RBAK: variants seen among roughly 807,000 people sequenced by gnomAD.
RBAK encodes the protein RB-associated KRAB zinc finger protein.
RBAK carries 39 observed loss-of-function variants against 65.8 expected under a neutral mutation model. The observed-to-expected ratio is 0.59, with a 90% CI of 0.46 to 0.77. RBAK has a LOEUF of 0.77. Among genes scored for constraint, RBAK ranks in the 30% least tolerant of loss-of-function variants. The pLI is 0.00. For missense variants in RBAK, 884 were observed against 855.1 expected (o/e 1.03, Z -0.42); for synonymous variants, 343 against 289.7 (o/e 1.18, Z -1.87).
intron 4 of RBAK, 151 bp from the exon 5 acceptor site, chr7:5,063,544 A>G (rs1779132004): frequency 6.9e-6 from 4 of 578,150 alleles, no homozygotes; most frequent in Admixed American, 7.1e-5. Context: ...CCAAAGGAAA[A>G]AGAGAACTAT....
In RBAK at chr7:5,063,613, A is replaced by T. The variant is rs369934466; in HGVS notation, c.239-82A>T. On this transcript the variant is annotated intron_variant, in intron 4 of 4. Coordinates refer to ENST00000396912, the MANE Select transcript of RBAK (RefSeq NM_021163.4). ...CTCTAAAGCCAGAGTCAACCCCACA[A>T]TGGGGGCTCTTGAATACCAGTACCT... 4.4e-6 allele frequency: 5 copies of T among 1,131,878 alleles called. No homozygotes were observed. The Admixed American group carries it at 9.3e-5, about 21-fold the overall frequency. 70.1% of individuals were successfully genotyped at this position (1,131,878 alleles called of 1,614,324 possible).
Position 5,065,440 on chromosome 7 carries a change from C to T in RBAK, c.1984C>T (p.Gln662Ter), listed in dbSNP as rs1420105218. The T allele has an allele frequency of 1.2e-6, 2 of 1,613,902 alleles. No individual in the cohort carries two copies. Among genetic ancestry groups the T allele is most frequent in the Admixed American group, 3.3e-5 (2 of 60,006 alleles). ...ECNECGKVFS[Q>*]KSYLTVHYRT... ...TAATGAATGTGGGAAAGTCTTTTCTCAGAAGTCATACCTCACTGTACACTA... is the reference window on the plus strand; with the variant it reads ...TAATGAATGTGGGAAAGTCTTTTCTTAGAAGTCATACCTCACTGTACACTA... The change falls in exon 5 of 5, where the codon CAG becomes TAG. Residue 662 changes from glutamine (Q) to a stop codon, truncating the protein, a stop_gained. Coordinates refer to ENST00000396912, the MANE Select transcript of RBAK (RefSeq NM_021163.4). LOFTEE classifies it high-confidence loss of function. This position sits in a 1 kb window ranked among gnomAD's most constrained non-coding sequence, Gnocchi z 5.3.
intron 4 of RBAK, among the ~76,000 whole-genome samples, chr7:5,062,393 CCAG>C (rs1779099645): frequency 6.6e-6 from 1 of 152,144 alleles, no homozygotes; most frequent in Admixed American, 6.5e-5. Flanking sequence ...AGCTGCAAAA[CCAG>C]CAAGTTTTTA....
Position 5,064,856 on chromosome 7 carries a change from A to G in RBAK, c.1400A>G (p.Asn467Ser), listed in dbSNP as rs143678050. The change falls in exon 5 of 5, where the codon AAT (asparagine) becomes AGT (serine). Residue 467 changes from asparagine (N) to serine (S), a missense_variant. Transcript: ENST00000396912. The surrounding 1 kb of genome is among the most constrained non-coding windows in gnomAD (Gnocchi z 6.3). ...TGTAATGAATGTGGCAAAACCTTCA[A>G]TTTAAATTCAGCCTTCATTAGACAT... Reference protein sequence around the residue: ...YECNECGKTFNLNSAFIRHRK... With the variant: ...YECNECGKTFSLNSAFIRHRK... The G allele has an allele frequency of 1.9e-6, 3 of 1,613,836 alleles. No homozygotes were observed. The highest frequency in any genetic ancestry group is 1.7e-5 in the Admixed American group (1 of 59,998).
Position 5,067,088 on chromosome 7 carries a change from AT to A in RBAK, c.*1488del, listed in dbSNP as rs1224525551. 1 of 152,224 alleles carries A rather than the reference AT, an allele frequency of 6.6e-6. No individual in the cohort carries two copies. Among genetic ancestry groups the A allele is most frequent in the Non-Finnish European group, 1.5e-5 (1 of 68,018 alleles). The allele number at this position is 152,224 out of a possible 1,614,324, so 9.4% of individuals were successfully genotyped here. ...AGAGACTTAAACTACAACAAACAAT[AT>A]GCTTAATGATGAAATAGTGAACATT... is the stretch of plus-strand genomic sequence containing the variant. On this transcript the variant is annotated 3_prime_UTR_variant, in exon 5 of 5. Transcript: ENST00000396912.
rs1787968455 is a variant in RBAK at position 5,046,029 on chromosome 7, A to T, written c.-412A>T. The T allele has an allele frequency of 3.6e-6, 1 of 273,992 alleles. No individual in the cohort carries two copies. Among genetic ancestry groups the T allele is most frequent in the African/African-American group, 2.4e-5 (1 of 41,930 alleles). 17.0% of individuals were successfully genotyped at this position (273,992 alleles called of 1,614,324 possible). ...GCCAGGGTTCGCGCGGGCCGGGTGGAGGCTTGAGCGGGGACCCCCGAGCTT... is the reference window on the plus strand; with the variant it reads ...GCCAGGGTTCGCGCGGGCCGGGTGGTGGCTTGAGCGGGGACCCCCGAGCTT... On this transcript the variant is annotated 5_prime_UTR_variant, in exon 1 of 5. Coordinates refer to ENST00000396912, the MANE Select transcript of RBAK (RefSeq NM_021163.4).
chr7:5,060,979 A>G (rs1779054846), intron 4 of RBAK, among the ~76,000 whole-genome samples: 1 of 152,248 alleles, frequency 6.6e-6, no homozygotes, highest in Non-Finnish European at 1.5e-5. Flanking sequence ...CTGAGATATA[A>G]GATTTTACAC....
In RBAK at chr7:5,064,207, T is replaced by C. The variant is rs1323624283; in HGVS notation, c.751T>C (p.Tyr251His). ...DFIQMSNFNA[Y>H]QRSQMEMKPF... ...CATACAGATGTCAAATTTTAATGCA[T>C]ATCAGAGATCACAAATGGAAATGAA... is the stretch of plus-strand genomic sequence containing the variant. Residue 251 changes from tyrosine to histidine, a missense_variant, in exon 5 of 5, where the codon TAT (tyrosine) becomes CAT (histidine). Physicochemically the swap from Tyr to His is moderately conservative, Grantham distance 83 (BLOSUM62 2). Coordinates refer to ENST00000396912, the MANE Select transcript of RBAK (RefSeq NM_021163.4). This position sits in a 1 kb window ranked among gnomAD's most constrained non-coding sequence, Gnocchi z 6.3. 1 of 1,614,014 alleles carries C rather than the reference T, an allele frequency of 6.2e-7. No homozygotes were observed. Among genetic ancestry groups the C allele is most frequent in the African/African-American group, 1.3e-5 (1 of 75,028 alleles).
At chr7:5,063,154 G>T (rs375782095) in intron 4 of RBAK, among the ~76,000 whole-genome samples, 13 of 152,314 alleles carry the variant, frequency 8.5e-5, no homozygotes, top group African/African-American at 3.1e-4. Flanking sequence ...TTGCAGTAAA[G>T]ACAGGCATAA....
chr7:5,061,811 T>A (rs771381557), intron 4 of RBAK, among the ~76,000 whole-genome samples: 16 of 151,796 alleles, frequency 1.1e-4, no homozygotes, highest in Admixed American at 2.0e-4. Flanking sequence ...GGCAGGAGAT[T>A]CGCTTGAGCC....
chr7:5,057,183 CAT>C (rs1778940737), intron 2 of RBAK, 110 bp from the exon 3 acceptor site: 2 of 1,530,382 alleles, frequency 1.3e-6, no homozygotes, highest in East Asian at 4.6e-5. Context: ...TAATCTGTAA[CAT>C]AAAATAAGGT....
intron 4 of RBAK, among the ~76,000 whole-genome samples, chr7:5,060,140 T>C (rs1373833725): frequency 2.0e-5 from 3 of 152,232 alleles, no homozygotes; most frequent in Non-Finnish European, 4.4e-5. Context: ...TTCTACCGAA[T>C]TATAGTCCTC....
At chr7:5,052,639 A>G (rs979040191) in intron 2 of RBAK, among the ~76,000 whole-genome samples, 5 of 152,190 alleles carry the variant, frequency 3.3e-5, no homozygotes, top group African/African-American at 1.2e-4. Flanking sequence ...GGATACTTTC[A>G]TTTCTCTCCT....
At position 5,064,240 on chromosome 7, in the gene RBAK, G is replaced by C. The variant is rs367807832; in HGVS notation, c.784G>C (p.Glu262Gln). ...ATCACAAATGGAAATGAAGCCCTTT[G>C]AATGCAGTGAATGTGGAAAATCCTT... ...QRSQMEMKPF[E>Q]CSECGKSFCK... The change falls in exon 5 of 5, where the codon GAA (glutamate) becomes CAA (glutamine). Residue 262 changes from glutamate to glutamine, a missense_variant. Coordinates refer to ENST00000396912, the MANE Select transcript of RBAK (RefSeq NM_021163.4). The surrounding 1 kb of genome is among the most constrained non-coding windows in gnomAD (Gnocchi z 6.3). The C allele has an allele frequency of 6.2e-7, 1 of 1,613,992 alleles. No individual in the cohort carries two copies. Among genetic ancestry groups the C allele is most frequent in the Non-Finnish European group, 8.5e-7 (1 of 1,180,010 alleles).
At chr7:5,047,673 G>A (rs1352384149) in intron 1 of RBAK, among the ~76,000 whole-genome samples, 1 of 137,168 alleles carries the variant, frequency 7.3e-6, no homozygotes, top group African/African-American at 2.8e-5. Flanking sequence ...GTGTGGTCTC[G>A]GCTCACTGCA....
At chr7:5,047,381 A>C (rs1788012482) in intron 1 of RBAK, among the ~76,000 whole-genome samples, 1 of 152,182 alleles carries the variant, frequency 6.6e-6, no homozygotes, top group African/African-American at 2.4e-5. Context: ...CCTGGGTGGC[A>C]GATTGAGACC....
chr7:5,056,578 A>G (rs1788237224), intron 2 of RBAK, among the ~76,000 whole-genome samples: 1 of 152,220 alleles, frequency 6.6e-6, no homozygotes, highest in African/African-American at 2.4e-5. Context: ...TAAAATTAAA[A>G]TAATTTGATC....
At chr7:5,050,346 T>G (rs1445281523) in intron 2 of RBAK, among the ~76,000 whole-genome samples, 2 of 152,260 alleles carry the variant, frequency 1.3e-5, no homozygotes, top group African/African-American at 2.4e-5. Flanking sequence ...TTATGCCTTG[T>G]TAAATTGGTA....
chr7:5,048,130 T>C lies in RBAK; in HGVS notation c.15+39T>C. On this transcript the variant is annotated intron_variant, in intron 2 of 4. Coordinates refer to ENST00000396912, the MANE Select transcript of RBAK (RefSeq NM_021163.4). This position sits in a 1 kb window ranked among gnomAD's most constrained non-coding sequence, Gnocchi z 4.4. ...CTTGTGTATATGTTCCTCAACTTTA[T>C]TTTATGATGCATTTTAAGAGGTTTG... is the stretch of plus-strand genomic sequence containing the variant. The C allele has an allele frequency of 6.3e-7, 1 of 1,579,648 alleles. No individual in the cohort carries two copies. Among genetic ancestry groups the C allele is most frequent in the East Asian group, 2.2e-5 (1 of 44,712 alleles).
Sources: gnomAD v4.1 joint callset for allele counts (sites outside exome capture counted in the v4.1 genomes callset) on GRCh38, gnomAD v4.1.1 for gene constraint, Gnocchi (gnomAD v3.1) non-coding constraint, MANE v1.5 for transcripts, NCBI Gene and HGNC (gene_info 2026-07-23, HGNC 2026-07-21) for gene names.